CPNE4: variants seen among roughly 807,000 people sequenced by gnomAD.
The protein encoded by CPNE4 is copine-4.
A neutral mutation model predicts 67.9 loss-of-function variants in CPNE4; 25 were observed. The observed-to-expected ratio is 0.37, with a 90% CI of 0.27 to 0.51. The LOEUF (loss-of-function observed/expected upper bound fraction) is 0.51. CPNE4 is among the 20% of genes least tolerant of loss of function. CPNE4 has a pLI of 0.93. For missense variants in CPNE4, 464 were observed against 690.8 expected (o/e 0.67, Z 3.68); for synonymous variants, 242 against 244.9 (o/e 0.99, Z 0.11).
chr3:131,857,584 T>C (rs1679733071), intron 2 of CPNE4, among the ~76,000 whole-genome samples: 2 of 152,060 alleles, frequency 1.3e-5, no homozygotes, highest in South Asian at 4.1e-4. Flanking sequence ...ATCTGGGTTC[T>C]GGAAATTCTC....
chr3:131,796,526 GT>G (rs1470515735), intron 2 of CPNE4, among the ~76,000 whole-genome samples: 3 of 152,162 alleles, frequency 2.0e-5, no homozygotes, highest in African/African-American at 7.2e-5. Context: ...AATGATGAAG[GT>G]TGGAGAAAGG....
intron 6 of CPNE4, among the ~76,000 whole-genome samples, chr3:131,685,555 G>A (rs1456723217): frequency 3.9e-5 from 6 of 152,130 alleles, no homozygotes; most frequent in Non-Finnish European, 8.8e-5. Context: ...AGGCCGAGGC[G>A]GGTGGATCAT....
At chr3:131,890,517 A>G (rs1054098973) in intron 2 of CPNE4, among the ~76,000 whole-genome samples, 1 of 151,972 alleles carries the variant, frequency 6.6e-6, no homozygotes, top group African/African-American at 2.4e-5. Flanking sequence ...CGCTGCAGCC[A>G]TTATGGAAAA....
At chr3:131,661,245 G>A (rs796838800) in intron 7 of CPNE4, among the ~76,000 whole-genome samples, 15 of 152,232 alleles carry the variant, frequency 9.9e-5, no homozygotes, top group African/African-American at 3.6e-4. Context: ...TTTAAATACT[G>A]AAGAGCAGAA....
At chr3:131,655,577 T>C (rs1198477719) in intron 7 of CPNE4, among the ~76,000 whole-genome samples, 1 of 152,070 alleles carries the variant, frequency 6.6e-6, no homozygotes, top group Non-Finnish European at 1.5e-5. Context: ...TAAATACCGG[T>C]GCAATAAAGC....
intron 7 of CPNE4, among the ~76,000 whole-genome samples, chr3:131,625,770 CA>C (rs2079058086): frequency 6.6e-6 from 1 of 152,154 alleles, no homozygotes. Context: ...CAAAAACAAT[CA>C]ATGCAGGCAC....
upstream of CPNE4, chr3:132,037,504 C>T (rs9859988): frequency 0.11 from 152,017 of 1,404,838 alleles, 8,955 homozygotes; most frequent in Non-Finnish European, 0.12. Flanking sequence ...GCCCGCCAGC[C>T]ACAGTCCCCT....
At chr3:131,864,279 C>A (rs1443504966) in intron 2 of CPNE4, among the ~76,000 whole-genome samples, 2 of 151,626 alleles carry the variant, frequency 1.3e-5, no homozygotes, top group Non-Finnish European at 2.9e-5. Flanking sequence ...GGCATTGAAT[C>A]TATAAATTAC....
intron 7 of CPNE4, among the ~76,000 whole-genome samples, chr3:131,598,345 TA>T (rs1178668337): frequency 6.6e-6 from 1 of 152,240 alleles, no homozygotes; most frequent in Admixed American, 6.5e-5. Context: ...ATTGCATCTT[TA>T]TCTCTTTTTC....
At chr3:131,598,359 T>C (rs1173744841) in intron 7 of CPNE4, among the ~76,000 whole-genome samples, 1 of 152,266 alleles carries the variant, frequency 6.6e-6, no homozygotes, top group East Asian at 1.9e-4. Flanking sequence ...TCTTTTTCAA[T>C]CTTTGTTCCA....
chr3:131,813,017 AAAT>A (rs2084597107), intron 2 of CPNE4, among the ~76,000 whole-genome samples: 1 of 152,178 alleles, frequency 6.6e-6, no homozygotes, highest in African/African-American at 2.4e-5. Context: ...TAAAATCTGA[AAAT>A]AATCAGCATG....
intron 2 of CPNE4, among the ~76,000 whole-genome samples, chr3:131,873,588 C>T (rs1226576888): frequency 1.3e-5 from 2 of 152,210 alleles, no homozygotes; most frequent in African/African-American, 4.8e-5. Context: ...AGAAACACTT[C>T]GTTTAGCACA....
chr3:131,942,445 TGTGTGTGTGTGTGTGTGTGAGA>T (rs1385640919), intron 1 of CPNE4, among the ~76,000 whole-genome samples: 58 of 60,400 alleles, frequency 9.6e-4, no homozygotes, highest in African/African-American at 4.1e-3. Context: ...TGTGTGTGTG[TGTGTGTGTGTGTGTGTGTGAGA>T]GAGAGAGAGA....
intron 7 of CPNE4, among the ~76,000 whole-genome samples, chr3:131,611,667 T>C (rs1250024861): frequency 6.6e-6 from 1 of 152,040 alleles, no homozygotes; most frequent in African/African-American, 2.4e-5. Context: ...CTTTTTTTTT[T>C]TTAGGTCTTC....
At chr3:131,902,547 T>C (rs1338029857) in intron 2 of CPNE4, among the ~76,000 whole-genome samples, 1 of 152,052 alleles carries the variant, frequency 6.6e-6, no homozygotes, top group Admixed American at 6.6e-5. Context: ...TTAAATCCAG[T>C]TGATGGGATA....
intron 4 of CPNE4, among the ~76,000 whole-genome samples, chr3:131,699,540 AG>A (rs1196084138): frequency 6.6e-6 from 1 of 152,222 alleles, no homozygotes; most frequent in East Asian, 1.9e-4. Context: ...ATGAGAGACG[AG>A]GACACGTAGC....
rs1389628391 is a variant in CPNE4, at chr3:131,698,085, A to T, written c.433-1469T>A. Among the ~76,000 whole-genome samples, 4 of 151,788 alleles carry T rather than the reference A, an allele frequency of 2.6e-5. No individual in the cohort carries two copies. In the South Asian group the frequency reaches 6.3e-4, roughly 24 times the overall value. Reference sequence around the variant, plus strand: ...TCTGTACTAAAAAAATACAAAAAAAATTAGACAGGTGTGGTGGTGGGCGCC... The same window carrying T: ...TCTGTACTAAAAAAATACAAAAAAATTTAGACAGGTGTGGTGGTGGGCGCC... On this transcript the variant is annotated intron_variant, in intron 4 of 15. Transcript: ENST00000429747.
intron 2 of CPNE4, among the ~76,000 whole-genome samples, chr3:131,885,746 T>G (rs1460796046): frequency 6.6e-6 from 1 of 152,154 alleles, no homozygotes; most frequent in African/African-American, 2.4e-5. Flanking sequence ...TGTGTCCATG[T>G]GATCTCATTG....
At chr3:131,880,261 G>A (rs917476085) in intron 2 of CPNE4, among the ~76,000 whole-genome samples, 1 of 151,708 alleles carries the variant, frequency 6.6e-6, no homozygotes, top group Non-Finnish European at 1.5e-5. Flanking sequence ...GACTACAGGC[G>A]CCCACGACCA....
Sources: allele counts gnomAD v4.1 joint callset (sites outside exome capture counted in the v4.1 genomes callset), GRCh38; gene constraint gnomAD v4.1.1; transcripts MANE v1.5; gene names NCBI Gene and HGNC (gene_info 2026-07-23, HGNC 2026-07-21).